FGF14: variants seen among roughly 807,000 people sequenced by gnomAD.
The protein encoded by FGF14 is fibroblast growth factor homologous factor 4.
FGF14 carries 5 observed loss-of-function variants against 25.5 expected under a neutral mutation model. The observed-to-expected ratio is 0.20, with a 90% confidence interval of 0.10 to 0.41. FGF14 has a LOEUF of 0.41. FGF14 is among the 10% of genes least tolerant of loss of function. The pLI, the probability that FGF14 is intolerant of heterozygous loss-of-function variation, is 1.00. For synonymous variants in FGF14, 138 were observed against 118.3 expected, an observed-to-expected ratio of 1.17 and a Z score of -1.08; for missense variants, 222 against 320.1, an observed-to-expected ratio of 0.69 and a Z score of 2.34.
chr13:102,159,266 G>A (rs1054473047), intron 1 of FGF14, among the ~76,000 whole-genome samples: 1 of 151,936 alleles, frequency 6.6e-6, no homozygotes, highest in Non-Finnish European at 1.5e-5. Context: ...ATGAACAAAT[G>A]ATTATAAAGG....
At chr13:102,082,070 A>G (rs1015626335) in intron 1 of FGF14, among the ~76,000 whole-genome samples, 2 of 152,310 alleles carry the variant, frequency 1.3e-5, no homozygotes, top group Admixed American at 1.3e-4. Context: ...TGACATTACT[A>G]TACAGGAGCT....
intron 1 of FGF14, among the ~76,000 whole-genome samples, chr13:102,256,826 C>T (rs2052464031): frequency 6.6e-6 from 1 of 152,100 alleles, no homozygotes; most frequent in South Asian, 2.1e-4. Context: ...AACAGTTTGA[C>T]TTTAAGTTAT....
intron 1 of FGF14, among the ~76,000 whole-genome samples, chr13:102,117,739 T>C (rs1046079160): frequency 3.3e-5 from 5 of 152,190 alleles, no homozygotes; most frequent in Admixed American, 2.0e-4. Context: ...GAAAAAATAC[T>C]GTGTAGAATG....
chr13:101,791,262 A>G (rs938015899), intron 3 of FGF14, among the ~76,000 whole-genome samples: 4 of 152,156 alleles, frequency 2.6e-5, no homozygotes, highest in Non-Finnish European at 5.9e-5. Context: ...AAGGTGCTGT[A>G]ACCGGCATGA....
chr13:101,947,606 G>T (rs1208035021), intron 1 of FGF14, among the ~76,000 whole-genome samples: 1 of 152,178 alleles, frequency 6.6e-6, no homozygotes, highest in East Asian at 1.9e-4. Flanking sequence ...AATACCACAT[G>T]TCTTCACCTA....
intron 1 of FGF14, among the ~76,000 whole-genome samples, chr13:101,886,599 G>A (rs9518593): frequency 0.28 from 42,059 of 151,964 alleles, 6,060 homozygotes; most frequent in East Asian, 0.41. Flanking sequence ...ACTACCAGAA[G>A]AAATCATTAA....
At chr13:101,802,039 G>GA (rs1236484493) in intron 3 of FGF14, 1 of 409,574 alleles carries the variant, frequency 2.4e-6, no homozygotes, top group African/African-American at 2.1e-5. Flanking sequence ...CAGTGTCTAG[G>GA]AAAGATAAGT....
rs1217443666 is a variant in FGF14, at chr13:102,107,534, G to A, written c.209-232238C>T. 2.0e-5 allele frequency among the ~76,000 whole-genome samples: 3 copies of A among 152,208 alleles called. No individual in the cohort carries two copies. In the East Asian group the frequency reaches 5.8e-4, roughly 29 times the overall value. On this transcript the variant is annotated intron_variant, in intron 1 of 4. Coordinates refer to the FGF14 transcript ENST00000376131. The stretch of plus-strand genomic sequence containing the variant: ...GACTGGCCCCTGAGGAAGTGGAGGA[G>A]AATAAAAACAAGAAAAATGCCAGTA...
intron 1 of FGF14, among the ~76,000 whole-genome samples, chr13:102,287,243 A>G (rs892490561): frequency 1.3e-5 from 2 of 152,192 alleles, no homozygotes; most frequent in Non-Finnish European, 2.9e-5. Flanking sequence ...TTTTGCTTTG[A>G]CCGTTCTGTA....
intron 3 of FGF14, among the ~76,000 whole-genome samples, chr13:101,853,197 G>C (rs1401513902): frequency 6.6e-6 from 1 of 151,876 alleles, no homozygotes; most frequent in Non-Finnish European, 1.5e-5. Context: ...ATCTTGGCCC[G>C]CCACCTTGTT....
intron 3 of FGF14, among the ~76,000 whole-genome samples, chr13:101,852,876 AAC>A (rs2043929847): frequency 6.6e-6 from 1 of 152,106 alleles, no homozygotes; most frequent in South Asian, 2.1e-4. Flanking sequence ...ACAGAAAACT[AAC>A]AATTTCATTT....
At chr13:102,269,765 G>A (rs952343247) in intron 1 of FGF14, among the ~76,000 whole-genome samples, 1 of 152,112 alleles carries the variant, frequency 6.6e-6, no homozygotes, top group African/African-American at 2.4e-5. Flanking sequence ...CGCTACTCGG[G>A]AGAATGAGGC....
Position 101,720,792 on chromosome 13 carries a change from A to AAGG in FGF14, c.*2036_*2038dup, listed in dbSNP as rs1331601564. ...CATAACACCAAATCAAAAATGACCA[A>AAGG]AGGAATCATTTTGTTTGTTAGATTT... On this transcript the variant is annotated 3_prime_UTR_variant, in exon 5 of 5. Coordinates refer to ENST00000376143, the MANE Select transcript of FGF14 (RefSeq NM_004115.4). 4.6e-5 allele frequency: 7 copies of AAGG among 152,240 alleles called. No individual in the cohort carries two copies. In the East Asian group the frequency reaches 1.4e-3, roughly 29 times the overall value. The allele number at this position is 152,240 out of a possible 1,614,324, so 9.4% of individuals were successfully genotyped here. A position where few individuals can be genotyped will look rare whatever the true frequency, so the allele number is the denominator to read the frequency against.
chr13:102,048,180 G>A (rs2042073378), intron 1 of FGF14, among the ~76,000 whole-genome samples: 1 of 152,098 alleles, frequency 6.6e-6, no homozygotes. Flanking sequence ...TTAATGATGT[G>A]GTAGATGAGG....
chr13:102,285,490 T>A (rs1264783620), intron 1 of FGF14, among the ~76,000 whole-genome samples: 1 of 152,236 alleles, frequency 6.6e-6, no homozygotes, highest in African/African-American at 2.4e-5. Flanking sequence ...CCTGGAAGGT[T>A]ACACTAAGAG....
At chr13:102,161,179 A>C (rs1007833075) in intron 1 of FGF14, among the ~76,000 whole-genome samples, 9 of 152,212 alleles carry the variant, frequency 5.9e-5, no homozygotes, top group Non-Finnish European at 1.3e-4. Flanking sequence ...ATCAGGTACT[A>C]AGTAAACATC....
chr13:101,800,610 T>C (rs929779323), intron 3 of FGF14, among the ~76,000 whole-genome samples: 5 of 152,162 alleles, frequency 3.3e-5, no homozygotes, highest in Non-Finnish European at 7.4e-5. Flanking sequence ...ACTTCAAAAA[T>C]TGAAATTAAA....
intron 3 of FGF14, among the ~76,000 whole-genome samples, chr13:101,851,270 T>G (rs1286711912): frequency 2.0e-5 from 3 of 151,836 alleles, no homozygotes; most frequent in South Asian, 4.1e-4. Context: ...GACAGCAAGG[T>G]CAGGATGGTG....
At chr13:102,114,137 G>C (rs1044777493) in intron 1 of FGF14, among the ~76,000 whole-genome samples, 2 of 152,186 alleles carry the variant, frequency 1.3e-5, no homozygotes, top group African/African-American at 4.8e-5. Context: ...AACTAAAAGA[G>C]TGTCTTGTTT....
Sources: gnomAD v4.1 joint callset for allele counts (sites outside exome capture counted in the v4.1 genomes callset) on GRCh38, gnomAD v4.1.1 for gene constraint, MANE v1.5 for transcripts, NCBI Gene and HGNC (gene_info 2026-07-23, HGNC 2026-07-21) for gene names.